CTNNA2: variants seen among roughly 807,000 people sequenced by gnomAD.
CTNNA2 encodes catenin alpha 2, also known as catenin alpha-2.
In CTNNA2, 42 loss-of-function variants were observed where a neutral mutation model predicts 101.0. The observed-to-expected ratio is 0.42, with a 90% confidence interval of 0.32 to 0.54. The LOEUF is 0.54. CTNNA2 is among the 20% of genes least tolerant of loss of function. The probability of loss-of-function intolerance (pLI) is 0.14; values close to 1 mark genes in which losing one functional copy is unlikely to be tolerated. For synonymous variants in CTNNA2, 450 were observed against 456.4 expected (o/e 0.99, Z 0.18); for missense variants, 871 against 1,223.1 (o/e 0.71, Z 4.29).
chr2:79,879,724 A>G (rs1302882468), intron 6 of CTNNA2, among the ~76,000 whole-genome samples: 8 of 152,166 alleles, frequency 5.3e-5, no homozygotes, highest in Admixed American at 6.5e-5. Context: ...CTGGGCTGAC[A>G]TGATGGGGTT....
At chr2:79,390,976 T>C (rs914943021) in intron 4 of CTNNA2, among the ~76,000 whole-genome samples, 2 of 152,062 alleles carry the variant, frequency 1.3e-5, no homozygotes, top group African/African-American at 4.8e-5. Context: ...TCCAGAGAAA[T>C]TGGTGACTAA....
intron 12 of CTNNA2, chr2:80,573,447 T>A (rs1694775815): frequency 6.6e-6 from 1 of 152,128 alleles, no homozygotes; most frequent in Non-Finnish European, 1.5e-5. Context: ...CCATTGGTCT[T>A]CTCTTTCCAT....
chr2:79,902,324 C>T (rs1685118181), intron 6 of CTNNA2, among the ~76,000 whole-genome samples: 1 of 152,162 alleles, frequency 6.6e-6, no homozygotes, highest in Non-Finnish European at 1.5e-5. Context: ...GAGGTCATGC[C>T]TGCACAATAA....
At chr2:79,233,250 T>A (rs1313861142) in intron 2 of CTNNA2, among the ~76,000 whole-genome samples, 1 of 152,194 alleles carries the variant, frequency 6.6e-6, no homozygotes, top group African/African-American at 2.4e-5. Context: ...TTTGGTAAGG[T>A]GTGTCTCTAT....
chr2:80,074,063 G>C (rs554182612), intron 7 of CTNNA2, among the ~76,000 whole-genome samples: 1 of 151,982 alleles, frequency 6.6e-6, no homozygotes, highest in Non-Finnish European at 1.5e-5. Context: ...TTTAGCTGGG[G>C]AATCACCAAA....
intron 2 of CTNNA2, among the ~76,000 whole-genome samples, chr2:79,230,984 T>A (rs1351811792): frequency 6.6e-6 from 1 of 152,228 alleles, no homozygotes; most frequent in Admixed American, 6.5e-5. Flanking sequence ...CCATGGTATC[T>A]AGGAAGTAAC....
chr2:80,645,588 T>C (rs967342585), intron 18 of CTNNA2, among the ~76,000 whole-genome samples: 7 of 136,668 alleles, frequency 5.1e-5, no homozygotes, highest in Non-Finnish European at 9.6e-5. Context: ...CAGTAAGTTT[T>C]GGATTGGGCC....
intron 9 of CTNNA2, among the ~76,000 whole-genome samples, chr2:80,466,733 T>C (rs1215534215): frequency 6.6e-6 from 1 of 152,230 alleles, no homozygotes; most frequent in Non-Finnish European, 1.5e-5. Context: ...TGGGTTATTG[T>C]TTCTGTTTCA....
chr2:79,786,174 C>A (rs1401686528), intron 3 of CTNNA2, among the ~76,000 whole-genome samples: 1 of 151,600 alleles, frequency 6.6e-6, no homozygotes. Context: ...AAACAGATGA[C>A]CATGTTAACA....
intron 1 of CTNNA2, chr2:79,547,742 A>G (rs951323554): frequency 4.6e-5 from 7 of 152,334 alleles, no homozygotes; most frequent in African/African-American, 7.2e-5. Context: ...CTCTGGTATG[A>G]TTTCTTTCAA....
chr2:79,869,155 C>G (rs147884935), intron 4 of CTNNA2, among the ~76,000 whole-genome samples: 1 of 152,286 alleles, frequency 6.6e-6, no homozygotes, highest in Non-Finnish European at 1.5e-5. Flanking sequence ...CAGTTTGCAG[C>G]GATTTGGAAG....
At chr2:80,509,827 C>T (rs961150786) in intron 9 of CTNNA2, among the ~76,000 whole-genome samples, 3 of 152,142 alleles carry the variant, frequency 2.0e-5, no homozygotes, top group African/African-American at 2.4e-5. Flanking sequence ...TGGACTGGAA[C>T]GCAGGGCTCC....
At chr2:79,862,127 T>G (rs1439788470) in intron 4 of CTNNA2, among the ~76,000 whole-genome samples, 1 of 152,240 alleles carries the variant, frequency 6.6e-6, no homozygotes, top group Admixed American at 6.5e-5. Context: ...CTCATGTAGA[T>G]GTGTATGTCA....
chr2:80,152,666 A>G (rs1031293503), intron 7 of CTNNA2, among the ~76,000 whole-genome samples: 2 of 152,058 alleles, frequency 1.3e-5, no homozygotes, highest in Admixed American at 6.5e-5. Context: ...GATGCAAATG[A>G]ACATAATGTC....
At chr2:80,019,375 G>A (rs1295993158) in intron 7 of CTNNA2, among the ~76,000 whole-genome samples, 1 of 152,132 alleles carries the variant, frequency 6.6e-6, no homozygotes, top group African/African-American at 2.4e-5. Context: ...GTTTATTAAG[G>A]AGAAATTGTA....
At chr2:79,727,879 C>T (rs1686954012) in intron 2 of CTNNA2, among the ~76,000 whole-genome samples, 1 of 151,982 alleles carries the variant, frequency 6.6e-6, no homozygotes, top group African/African-American at 2.4e-5. Flanking sequence ...TTTCCAGTTT[C>T]ATCCATGTCC....
Position 79,633,109 on chromosome 2 carries a change from A to C in CTNNA2, c.-5-18443A>C, listed in dbSNP as rs115859078. Reference sequence around the variant, plus strand: ...AACAATCAGTCGTATTATGTTAGTTAGGAGGGTTTGGGGCTGCAAATAATA... The same window carrying C: ...AACAATCAGTCGTATTATGTTAGTTCGGAGGGTTTGGGGCTGCAAATAATA... On this transcript the variant is annotated intron_variant, in intron 1 of 18. Coordinates refer to ENST00000402739, the MANE Select transcript of CTNNA2 (RefSeq NM_001282597.3). 1.7e-3 allele frequency among the ~76,000 whole-genome samples: 266 copies of C among 152,326 alleles called. 1 individual carries two copies. The highest frequency in any genetic ancestry group is 6.0e-3 in the African/African-American group (249 of 41,580).
intron 7 of CTNNA2, among the ~76,000 whole-genome samples, chr2:80,346,069 A>G (rs554076510): frequency 1.4e-4 from 22 of 152,204 alleles, no homozygotes; most frequent in Non-Finnish European, 2.4e-4. Flanking sequence ...TGAACCATTT[A>G]ATTGAACTAC....
At chr2:79,906,945 T>A (rs550585101) in intron 6 of CTNNA2, among the ~76,000 whole-genome samples, 5 of 152,346 alleles carry the variant, frequency 3.3e-5, no homozygotes, top group African/African-American at 1.2e-4. Context: ...CTAAGCTCAG[T>A]GTTCCATGGA....
Sources: allele counts gnomAD v4.1 joint callset (sites outside exome capture counted in the v4.1 genomes callset), GRCh38; gene constraint gnomAD v4.1.1; transcripts MANE v1.5; gene names NCBI Gene and HGNC (gene_info 2026-07-23, HGNC 2026-07-21).